COLEC12: variants seen among roughly 807,000 people sequenced by gnomAD.
COLEC12 encodes collectin-12.
In COLEC12, 33 loss-of-function variants were observed where a neutral mutation model predicts 71.1. The observed-to-expected ratio is 0.46, with a 90% CI of 0.35 to 0.62. The LOEUF (loss-of-function observed/expected upper bound fraction) is 0.62, where lower values mean the gene tolerates loss of function less well. Among genes scored for constraint, COLEC12 ranks in the 20% least tolerant of loss-of-function variants. The probability of loss-of-function intolerance (pLI) is 0.00; values close to 1 mark genes in which losing one functional copy is unlikely to be tolerated. For missense variants in COLEC12, 765 were observed against 916.1 expected, an observed-to-expected ratio of 0.84 and a Z score of 2.13; for synonymous variants, 350 against 353.0, an observed-to-expected ratio of 0.99 and a Z score of 0.10.
intron 2 of COLEC12, among the ~76,000 whole-genome samples, chr18:421,530 A>G (rs1916098484): frequency 6.6e-6 from 1 of 152,212 alleles, no homozygotes; most frequent in Non-Finnish European, 1.5e-5. Flanking sequence ...TGTAAGAGAA[A>G]TATGAATGTG....
At chr18:354,121 A>G (rs1914579067) in intron 3 of COLEC12, among the ~76,000 whole-genome samples, 1 of 152,256 alleles carries the variant, frequency 6.6e-6, no homozygotes, top group Admixed American at 6.5e-5. Flanking sequence ...TGTTCAGGAA[A>G]TATTCTGGAA....
chr18:348,265 T>A, intron 3 of COLEC12, 102 bp from the exon 4 acceptor site: 2 of 713,232 alleles, frequency 2.8e-6, no homozygotes, highest in South Asian at 1.9e-5. Context: ...AGGAAACAGA[T>A]TGAACGAAAA....
chr18:390,550 C>A (rs756022921), intron 2 of COLEC12, among the ~76,000 whole-genome samples: 1 of 152,154 alleles, frequency 6.6e-6, no homozygotes, highest in African/African-American at 2.4e-5. Context: ...CACCCGAGGT[C>A]GGGAGTTCGA....
At chr18:331,827 C>T (rs9947291) in intron 7 of COLEC12, 50 bp from the exon 8 acceptor site, 97,991 of 1,099,616 alleles carry the variant, frequency 0.089, 4,928 homozygotes, top group Middle Eastern at 0.16. Flanking sequence ...GAACAGATGT[C>T]TCAGGCCTTT....
At position 457,944 on chromosome 18, in the gene COLEC12, A is replaced by G. The variant is rs138994422; in HGVS notation, c.58+22763T>C. Among the ~76,000 whole-genome samples, 304 of 152,340 alleles carry G rather than the reference A, an allele frequency of 2.0e-3. 2 individuals are homozygous for G. Among genetic ancestry groups the G allele is most frequent in the African/African-American group, 6.7e-3 (280 of 41,572 alleles). ...AGTAAGTTTGCAGAATTGGAAATTTATATAAGTTCTTCTGAGTTACATAAA... is the reference window on the plus strand; with the variant it reads ...AGTAAGTTTGCAGAATTGGAAATTTGTATAAGTTCTTCTGAGTTACATAAA... On this transcript the variant is annotated intron_variant, in intron 2 of 9. Transcript: ENST00000400256.
chr18:323,098 A>ACG (rs1913752679), intron 8 of COLEC12, among the ~76,000 whole-genome samples: 2 of 152,110 alleles, frequency 1.3e-5, no homozygotes, highest in Non-Finnish European at 1.5e-5. Flanking sequence ...GGTGGCAGGC[A>ACG]CCTGTAGTCC....
intron 2 of COLEC12, among the ~76,000 whole-genome samples, chr18:416,153 C>CA (rs1276263058): frequency 6.6e-6 from 1 of 152,014 alleles, no homozygotes; most frequent in African/African-American, 2.4e-5. Context: ...TTAAAGAAAC[C>CA]AAAAAATCTA....
chr18:497,386 G>T (rs1002094894), intron 1 of COLEC12, among the ~76,000 whole-genome samples: 1 of 88,030 alleles, frequency 1.1e-5, no homozygotes, highest in Non-Finnish European at 2.2e-5. Flanking sequence ...AGAATGGGGT[G>T]TGTGTGTGTG....
At position 346,741 on chromosome 18, in the gene COLEC12, G is replaced by C; in HGVS notation, c.881C>G (p.Thr294Arg). The change falls in exon 5 of 10, where the codon ACA becomes AGA. Residue 294 changes from threonine (T) to arginine (R), a missense_variant. By Grantham distance (71) the Thr-to-Arg change is moderately conservative (BLOSUM62 -1). Coordinates refer to ENST00000400256, the MANE Select transcript of COLEC12 (RefSeq NM_130386.3). The surrounding 1 kb of genome is among the most constrained non-coding windows in gnomAD (Gnocchi z 4.0). Reference protein sequence around the residue: ...EDMNSQLNSFTGQMENITTIS... With the variant: ...EDMNSQLNSFRGQMENITTIS... ...AGTGGTGATGTTCTCCATCTGACCT[G>C]TGAATGAGTTGAGCTGGCTGTTCAT... 1 of 1,614,232 alleles carries C rather than the reference G, an allele frequency of 6.2e-7. No individual in the cohort carries two copies. Among genetic ancestry groups the C allele is most frequent in the African/African-American group, 1.3e-5 (1 of 75,056 alleles).
At chr18:476,556 C>G (rs1917308606) in intron 2 of COLEC12, among the ~76,000 whole-genome samples, 1 of 152,112 alleles carries the variant, frequency 6.6e-6, no homozygotes, top group Admixed American at 6.6e-5. Context: ...CCATTGCGAC[C>G]AATCAATGAA....
intron 2 of COLEC12, among the ~76,000 whole-genome samples, chr18:363,136 C>T (rs927199664): frequency 1.3e-5 from 2 of 152,146 alleles, no homozygotes; most frequent in African/African-American, 2.4e-5. Flanking sequence ...AATTCACCAG[C>T]AAAGAGAATT....
chr18:472,927 G>A (rs1423899122), intron 2 of COLEC12, among the ~76,000 whole-genome samples: 3 of 151,868 alleles, frequency 2.0e-5, no homozygotes, highest in Non-Finnish European at 4.4e-5. Context: ...AGAGTGGGAG[G>A]GGTGGGAGCA....
At chr18:354,685 C>T (rs887710465) in intron 3 of COLEC12, among the ~76,000 whole-genome samples, 1 of 152,114 alleles carries the variant, frequency 6.6e-6, no homozygotes, top group Non-Finnish European at 1.5e-5. Flanking sequence ...AGAGAAAGCA[C>T]ATCTGGAAAA....
chr18:362,029 G>C lies in COLEC12; in HGVS notation c.59-4507C>G, dbSNP rs931337449. Among the ~76,000 whole-genome samples the C allele has an allele frequency of 1.3e-5, 2 of 152,294 alleles. No individual in the cohort carries two copies. The highest frequency in any genetic ancestry group is 2.9e-5 in the Non-Finnish European group (2 of 68,016). The stretch of plus-strand genomic sequence containing the variant: ...CGTCATTGTGTCATTGATGGGAAAA[G>C]AGAGGCCCAGAGAGGGGAAGCAGGA... On this transcript the variant is annotated intron_variant, in intron 2 of 9. Coordinates refer to ENST00000400256, the MANE Select transcript of COLEC12 (RefSeq NM_130386.3). This position sits in a 1 kb window ranked among gnomAD's most constrained non-coding sequence, Gnocchi z 4.6.
At position 480,722 on chromosome 18, in the gene COLEC12, C is replaced by T. The variant is rs752369032; in HGVS notation, c.43G>A (p.Gly15Ser). 39 of 1,613,872 alleles carry T rather than the reference C, an allele frequency of 2.4e-5. No homozygotes were observed. The highest frequency in any genetic ancestry group is 3.2e-5 in the Non-Finnish European group (38 of 1,179,992). The part of the protein sequence containing the change: ...FAEEEEVQSF[G>S]YKRFGIQEGT... ...TAGGACTCACCAAACCGCTTGTAACCGAAGGATTGCACCTCCTCCTCCTCT... is the reference window on the plus strand; with the variant it reads ...TAGGACTCACCAAACCGCTTGTAACTGAAGGATTGCACCTCCTCCTCCTCT... The change falls in exon 2 of 10, where the codon GGT becomes AGT. Residue 15 changes from glycine (G) to serine (S), a missense_variant. Transcript: ENST00000400256. The surrounding 1 kb of genome is among the most constrained non-coding windows in gnomAD (Gnocchi z 4.1).
At chr18:457,900 G>A (rs966457010) in intron 2 of COLEC12, among the ~76,000 whole-genome samples, 5 of 152,198 alleles carry the variant, frequency 3.3e-5, no homozygotes, top group African/African-American at 1.2e-4. Flanking sequence ...CAGGATATAG[G>A]TAGTTTTCCA....
intron 2 of COLEC12, among the ~76,000 whole-genome samples, chr18:373,582 C>T (rs1915048815): frequency 6.6e-6 from 1 of 152,156 alleles, no homozygotes; most frequent in African/African-American, 2.4e-5. Flanking sequence ...GCTTACATTC[C>T]AGGGCATGGG....
intron 2 of COLEC12, among the ~76,000 whole-genome samples, chr18:446,224 T>C (rs1041582843): frequency 6.6e-6 from 1 of 150,826 alleles, no homozygotes; most frequent in Non-Finnish European, 1.5e-5. Flanking sequence ...TATGTGGATA[T>C]GTTTTAATTT....
chr18:378,487 C>T (rs779161282), intron 2 of COLEC12, among the ~76,000 whole-genome samples: 8 of 152,160 alleles, frequency 5.3e-5, no homozygotes, highest in South Asian at 2.1e-4. Flanking sequence ...GCAATTGGCA[C>T]GGGTTTTTCA....
Sources: gnomAD v4.1 joint callset for allele counts (sites outside exome capture counted in the v4.1 genomes callset) on GRCh38, gnomAD v4.1.1 for gene constraint, Gnocchi (gnomAD v3.1) non-coding constraint, MANE v1.5 for transcripts, NCBI Gene and HGNC (gene_info 2026-07-23, HGNC 2026-07-21) for gene names.